Variants in MAP3K10 observed in about 807,000 individuals in gnomAD.
MAP3K10 encodes MKN28 derived nonreceptor_type serine/threonine kinase.
In MAP3K10, 22 loss-of-function variants were observed where a neutral mutation model predicts 75.0. That is an observed-to-expected ratio of 0.29 (90% CI 0.21 to 0.42). The LOEUF (loss-of-function observed/expected upper bound fraction) is 0.42. Among genes scored for constraint, MAP3K10 ranks in the 10% least tolerant of loss-of-function variants. The pLI is 1.00. For missense variants in MAP3K10, 1,165 were observed against 1,379.8 expected (o/e 0.84, Z 2.47); for synonymous variants, 599 against 612.9 (o/e 0.98, Z 0.34).
At position 40,213,180 on chromosome 19, in the gene MAP3K10, A is replaced by G. The variant is rs145959088; in HGVS notation, c.1829A>G (p.Asn610Ser). The G allele has an allele frequency of 1.9e-6, 3 of 1,578,286 alleles. No homozygotes were observed. The highest frequency in any genetic ancestry group is 1.7e-4 in the Middle Eastern group (1 of 6,006). Residue 610 changes from asparagine (N) to serine (S), a missense_variant, in exon 8 of 10, where the codon AAT becomes AGT. By Grantham distance (46) the Asn-to-Ser change is conservative. This residue lies in a region of MAP3K10 where 590 missense variants were observed against 586.6 expected (regional missense o/e 1.01). Transcript: ENST00000253055. The surrounding 1 kb of genome is among the most constrained non-coding windows in gnomAD (Gnocchi z 5.7). ...ATCGCCCCTGGCTTTGCCAGCCTCA[A>G]TGAGATGGGTAAGAGCCTGGGTTCT... ...TPIAPGFASL[N>S]EMEEFAEAED...
rs1972842153 is a variant in MAP3K10 at position 40,192,638 on chromosome 19, G to A, written c.607G>A (p.Val203Met). 6.2e-7 allele frequency: 1 copy of A among 1,603,262 alleles called. No individual in the cohort carries two copies. The highest frequency in any genetic ancestry group is 1.3e-5 in the African/African-American group (1 of 74,784). The change falls in exon 1 of 10, where the codon GTG becomes ATG. Residue 203 changes from valine (V) to methionine (M), a missense_variant. Transcript: ENST00000253055. This position sits in a 1 kb window ranked among gnomAD's most constrained non-coding sequence, Gnocchi z 7.1. ...CGTGCTGGTCAACTGGGCTGTGCAG[G>A]TGGCCCGGGGCATGAACTACCTACA... ...PHVLVNWAVQ[V>M]ARGMNYLHND...
At position 40,206,109 on chromosome 19, in the gene MAP3K10, C is replaced by T. The variant is rs746524729; in HGVS notation, c.1387C>T (p.Arg463Cys). Residue 463 changes from arginine (R) to cysteine (C), a missense_variant, in exon 5 of 10, where the codon CGC becomes TGC. Transcript: ENST00000253055. ...RKRKGNFKRS[R>C]LLKLREGGSH... ...GCGCAAGGGCAACTTCAAGCGCAGC[C>T]GCCTGCTCAAGCTGCGGGAAGGCGG... is the stretch of plus-strand genomic sequence containing the variant. 6 of 1,612,180 alleles carry T rather than the reference C, an allele frequency of 3.7e-6. No individual in the cohort carries two copies. Among genetic ancestry groups the T allele is most frequent in the African/African-American group, 1.3e-5 (1 of 74,900 alleles).
At position 40,213,992 on chromosome 19, in the gene MAP3K10, G is replaced by T; in HGVS notation, c.2313G>T (p.Pro771=). Residue 771 remains proline, a synonymous_variant, in exon 9 of 10, where the codon CCG becomes CCT. Coordinates refer to ENST00000253055, the MANE Select transcript of MAP3K10 (RefSeq NM_002446.4). This position sits in a 1 kb window ranked among gnomAD's most constrained non-coding sequence, Gnocchi z 5.7. ...GCTCTGACAGTGACGAGGCCGCACC[G>T]GCCGCGCCCTCCCCACCACCCTCCC... ...LLRSDSDEAA[P]AAPSPPPSPP... 6.5e-7 allele frequency: 1 copy of T among 1,527,390 alleles called. No individual in the cohort carries two copies. Among genetic ancestry groups the T allele is most frequent in the South Asian group, 1.2e-5 (1 of 82,640 alleles). The allele number at this position is 1,527,390 out of a possible 1,614,324, so 94.6% of individuals were successfully genotyped here.
rs760331559 is a variant in MAP3K10, at chr19:40,214,178, G to C, written c.2499G>C (p.Ala833=). 1.4e-6 allele frequency: 2 copies of C among 1,480,982 alleles called. No homozygotes were observed. Among genetic ancestry groups the C allele is most frequent in the East Asian group, 5.5e-5 (2 of 36,626 alleles). The allele number at this position is 1,480,982 out of a possible 1,614,324, so 91.7% of individuals were successfully genotyped here. ...RGHRRTPSDG[A]LGQRGPPEPA... is the part of the protein sequence containing the mutation. ...ACCGGCGGACGCCATCGGACGGGGCGCTGGGGCAGCGGGGGCCGCCCGAGC... is the reference window on the plus strand; with the variant it reads ...ACCGGCGGACGCCATCGGACGGGGCCCTGGGGCAGCGGGGGCCGCCCGAGC... The change falls in exon 9 of 10, where the codon GCG becomes GCC. Residue 833 remains alanine (A), a synonymous_variant. Transcript: ENST00000253055.
rs1363067138 is a variant in MAP3K10, at chr19:40,209,201, C to A, written c.1534C>A (p.Arg512=). The change falls in exon 6 of 10, where the codon CGG becomes AGG. Residue 512 remains arginine, a synonymous_variant. Coordinates refer to ENST00000253055, the MANE Select transcript of MAP3K10 (RefSeq NM_002446.4). ...CCCTGCAAGCCCCAGCATCATCCCCCGGCTGAGGGCCATTCGCCGTGAGTA... is the reference window on the plus strand; with the variant it reads ...CCCTGCAAGCCCCAGCATCATCCCCAGGCTGAGGGCCATTCGCCGTGAGTA... ...SPPASPSIIP[R]LRAIRLTPVD... is the part of the protein sequence containing the mutation. 2 of 1,614,096 alleles carry A rather than the reference C, an allele frequency of 1.2e-6. No individual in the cohort carries two copies. Among genetic ancestry groups the A allele is most frequent in the Admixed American group, 1.7e-5 (1 of 60,016 alleles).
chr19:40,213,871 G>A lies in MAP3K10; in HGVS notation c.2192G>A (p.Arg731His). 5.6e-6 allele frequency: 8 copies of A among 1,423,130 alleles called. No individual in the cohort carries two copies. The highest frequency in any genetic ancestry group is 7.3e-6 in the Non-Finnish European group (8 of 1,095,660). 88.2% of individuals were successfully genotyped at this position (1,423,130 alleles called of 1,614,324 possible). Residue 731 changes from arginine to histidine, a missense_variant, in exon 9 of 10, where the codon CGC (arginine) becomes CAC (histidine). By Grantham distance (29) the Arg-to-His change is conservative (BLOSUM62 0). Coordinates refer to ENST00000253055, the MANE Select transcript of MAP3K10 (RefSeq NM_002446.4). The surrounding 1 kb of genome is among the most constrained non-coding windows in gnomAD (Gnocchi z 5.7). The part of the protein sequence containing the change: ...LSPPARPHGR[R>H]EDVGPGLGLA... ...CCACCCGCGCGTCCCCACGGCCGCCGCGAAGACGTGGGCCCCGGCCTGGGC... is the reference window on the plus strand; with the variant it reads ...CCACCCGCGCGTCCCCACGGCCGCCACGAAGACGTGGGCCCCGGCCTGGGC...
rs764298568 is a variant in MAP3K10 at position 40,209,143 on chromosome 19, G to A, written c.1476G>A (p.Leu492=). 6.2e-7 allele frequency: 1 copy of A among 1,614,200 alleles called. No individual in the cohort carries two copies. Among genetic ancestry groups the A allele is most frequent in the Non-Finnish European group, 8.5e-7 (1 of 1,180,024 alleles). The change falls in exon 6 of 10, where the codon CTG becomes CTA. Residue 492 remains leucine, a synonymous_variant. Coordinates refer to ENST00000253055, the MANE Select transcript of MAP3K10 (RefSeq NM_002446.4). ...HKITVQASPT[L]DKRKGSDGAS... ...TCACAGTCCAGGCCTCTCCAACTCT[G>A]GATAAGCGGAAAGGATCCGATGGGG...
In MAP3K10 at chr19:40,213,503, C is replaced by G; in HGVS notation, c.1838-14C>G. On this transcript the variant is annotated splice_polypyrimidine_tract_variant and intron_variant, in intron 8 of 9. Transcript: ENST00000253055. The surrounding 1 kb of genome is among the most constrained non-coding windows in gnomAD (Gnocchi z 5.7). ...CCAGCCCTGCAGCGGAGTGATGGCC[C>G]TCTCCGGTTGCAGAGGAGTTCGCGG... The G allele has an allele frequency of 1.2e-6, 2 of 1,609,580 alleles. No individual in the cohort carries two copies. Among genetic ancestry groups the G allele is most frequent in the Non-Finnish European group, 1.7e-6 (2 of 1,178,838 alleles).
chr19:40,206,195 T>G (rs2145086850), intron 5 of MAP3K10, 38 bp downstream of exon 5: 1 of 1,550,330 alleles, frequency 6.5e-7, no homozygotes, highest in Middle Eastern at 1.7e-4. Flanking sequence ...CCCAAGAGGC[T>G]GCTGGGAGCA....
chr19:40,209,914 T>C (rs1189656377), intron 6 of MAP3K10, among the ~76,000 whole-genome samples: 2 of 152,032 alleles, frequency 1.3e-5, no homozygotes, highest in African/African-American at 4.8e-5. Context: ...GGAGGATTGC[T>C]TGAGCCTAGG....
chr19:40,197,445 C>A (rs1972927286), intron 1 of MAP3K10, among the ~76,000 whole-genome samples: 1 of 152,144 alleles, frequency 6.6e-6, no homozygotes, highest in Non-Finnish European at 1.5e-5. Context: ...CATGCCTCAG[C>A]CTTCCAAGTA....
chr19:40,215,487 G>C lies in MAP3K10; in HGVS notation c.*195G>C, dbSNP rs1973338575. ...TGGAGCCCTGTGCCCACCCTGCACTGGGGGGAGGGTGGGCAGGGATACTCA... is the reference window on the plus strand; with the variant it reads ...TGGAGCCCTGTGCCCACCCTGCACTCGGGGGAGGGTGGGCAGGGATACTCA... On this transcript the variant is annotated 3_prime_UTR_variant, in exon 10 of 10. Transcript: ENST00000253055. The C allele has an allele frequency of 1.7e-6, 1 of 597,230 alleles. No individual in the cohort carries two copies. Among genetic ancestry groups the C allele is most frequent in the Non-Finnish European group, 2.9e-6 (1 of 340,372 alleles). The allele number at this position is 597,230 out of a possible 1,614,324, so 37.0% of individuals were successfully genotyped here.
chr19:40,201,490 G>A (rs1568489020), intron 2 of MAP3K10, among the ~76,000 whole-genome samples: 1 of 102,804 alleles, frequency 9.7e-6, no homozygotes, highest in African/African-American at 3.8e-5. Context: ...ACCGCACCCA[G>A]CCTTTTTTTT....
chr19:40,214,200 G>A lies in MAP3K10; in HGVS notation c.2521G>A (p.Glu841Lys), dbSNP rs1238271164. The change falls in exon 9 of 10, where the codon GAG becomes AAG. Residue 841 changes from glutamate to lysine, a missense_variant. Around this residue, in one of 2 missense-constraint regions of MAP3K10, gnomAD observed 590 missense variants for 586.6 expected, o/e 1.01. Transcript: ENST00000253055. ...DGALGQRGPP[E>K]PAGHGPGPRD... ...GGCGCTGGGGCAGCGGGGGCCGCCC[G>A]AGCCCGCGGGCCATGGCCCTGGTGA... 6 of 1,431,946 alleles carry A rather than the reference G, an allele frequency of 4.2e-6. No homozygotes were observed. In the African/African-American group the frequency reaches 4.5e-5, roughly 11 times the overall value. The allele number at this position is 1,431,946 out of a possible 1,614,324, so 88.7% of individuals were successfully genotyped here.
rs761863180 is a variant in MAP3K10, at chr19:40,215,304, C to T, written c.*12C>T. ...ACGGCTCCCACTAAGGCCTGCCCAC[C>T]ACCGCCCGCCTGGGCAGCCATGAAT... On this transcript the variant is annotated 3_prime_UTR_variant, in exon 10 of 10. Transcript: ENST00000253055. 1 of 1,533,230 alleles carries T rather than the reference C, an allele frequency of 6.5e-7. No individual in the cohort carries two copies. The highest frequency in any genetic ancestry group is 2.0e-5 in the Admixed American group (1 of 50,204). The allele number at this position is 1,533,230 out of a possible 1,614,324, so 95.0% of individuals were successfully genotyped here.
chr19:40,199,518 G>A (rs1972978075), intron 2 of MAP3K10, among the ~76,000 whole-genome samples: 1 of 152,198 alleles, frequency 6.6e-6, no homozygotes, highest in Non-Finnish European at 1.5e-5. Flanking sequence ...GGAAGAAGGA[G>A]GTGCTGAGGT....
intron 5 of MAP3K10, among the ~76,000 whole-genome samples, chr19:40,207,334 T>A (rs1362409710): frequency 6.6e-6 from 1 of 152,214 alleles, no homozygotes; most frequent in Non-Finnish European, 1.5e-5. Flanking sequence ...AAGCAGTGCC[T>A]TAAGCAGCAG....
At position 40,212,203 on chromosome 19, in the gene MAP3K10, G is replaced by T. The variant is rs1292390151; in HGVS notation, c.1553-602G>T. Among the ~76,000 whole-genome samples, 1 of 152,224 alleles carries T rather than the reference G, an allele frequency of 6.6e-6. No homozygotes were observed. The highest frequency in any genetic ancestry group is 1.5e-5 in the Non-Finnish European group (1 of 68,048). On this transcript the variant is annotated intron_variant, in intron 6 of 9. Coordinates refer to ENST00000253055, the MANE Select transcript of MAP3K10 (RefSeq NM_002446.4). The surrounding 1 kb of genome is among the most constrained non-coding windows in gnomAD (Gnocchi z 4.2). ...GACTTGGAAGGGACAGATGTCCACA[G>T]TCGGGGCTATATGGCAGAGACACGG... is the stretch of plus-strand genomic sequence containing the variant.
At chr19:40,206,193 G>A (rs1214466062) in intron 5 of MAP3K10, 36 bp downstream of exon 5, 3 of 1,548,680 alleles carry the variant, frequency 1.9e-6, no homozygotes, top group Non-Finnish European at 2.6e-6. Context: ...CCCCCAAGAG[G>A]CTGCTGGGAG....
Sources: gnomAD v4.1 joint callset for allele counts (sites outside exome capture counted in the v4.1 genomes callset) on GRCh38, gnomAD v4.1.1 for gene constraint, gnomAD v4.1.1 regional missense constraint, Gnocchi (gnomAD v3.1) non-coding constraint, MANE v1.5 for transcripts, NCBI Gene and HGNC (gene_info 2026-07-23, HGNC 2026-07-21) for gene names.